BACH2: variants seen among roughly 807,000 people sequenced by gnomAD.
BACH2 encodes BACH transcriptional regulator 2, also known as transcription regulator protein BACH2.
A neutral mutation model predicts 61.8 loss-of-function variants in BACH2; 5 were observed. The ratio of observed to expected loss-of-function variants is 0.08; its 90% confidence interval spans 0.04 to 0.17. BACH2 has a LOEUF of 0.17. BACH2 is among the 10% of genes least tolerant of loss of function. BACH2 has a pLI of 1.00. For synonymous variants in BACH2, 446 were observed against 440.1 expected (o/e 1.01, Z -0.17); for missense variants, 824 against 1,091.1 (o/e 0.76, Z 3.45).
intron 4 of BACH2, among the ~76,000 whole-genome samples, chr6:90,192,444 C>T (rs1004559916): frequency 6.6e-6 from 1 of 152,096 alleles, no homozygotes; most frequent in African/African-American, 2.4e-5. Context: ...ACAAAACCCA[C>T]GTTCAACCTT....
chr6:90,152,019 T>C (rs1438093940), intron 4 of BACH2, among the ~76,000 whole-genome samples: 2 of 152,246 alleles, frequency 1.3e-5, no homozygotes, highest in Non-Finnish European at 2.9e-5. Context: ...ACAATAAAGC[T>C]ATTAATGGCA....
intron 5 of BACH2, among the ~76,000 whole-genome samples, chr6:90,068,949 C>T (rs1045958071): frequency 1.3e-5 from 2 of 152,182 alleles, no homozygotes; most frequent in African/African-American, 4.8e-5. Flanking sequence ...TACCAGTTTA[C>T]ACCCCGGCAC....
At chr6:89,953,822 C>G (rs920690197) in intron 6 of BACH2, among the ~76,000 whole-genome samples, 5 of 152,214 alleles carry the variant, frequency 3.3e-5, no homozygotes, top group African/African-American at 1.2e-4. Context: ...AACCAACTAA[C>G]TGAACCGATC....
At chr6:90,165,675 A>C (rs1582439393) in intron 4 of BACH2, among the ~76,000 whole-genome samples, 1 of 152,188 alleles carries the variant, frequency 6.6e-6, no homozygotes, top group South Asian at 2.1e-4. Context: ...AGGCTACAGT[A>C]ACCAAAACAG....
intron 6 of BACH2, among the ~76,000 whole-genome samples, chr6:89,976,738 T>A (rs1288067332): frequency 6.6e-6 from 1 of 152,184 alleles, no homozygotes; most frequent in Non-Finnish European, 1.5e-5. Flanking sequence ...TTTGATCATA[T>A]AAAATCTCTA....
At chr6:89,975,591 T>C (rs1005324417) in intron 6 of BACH2, among the ~76,000 whole-genome samples, 13 of 152,230 alleles carry the variant, frequency 8.5e-5, no homozygotes, top group African/African-American at 3.1e-4. Context: ...CTGGCCGCTG[T>C]CTGGTAATGT....
chr6:89,932,735 G>C lies in BACH2; in HGVS notation c.2199C>G (p.Leu733=), dbSNP rs1244860268. ...IQALHRYCPV[L]RPMDLPTASS... ...AGGCCGTGGGCAAGTCCATGGGTCT[G>C]AGGACAGGGCAATACCGATGCAGGG... The change falls in exon 9 of 9, where the codon CTC becomes CTG. Residue 733 remains leucine, a synonymous_variant. Transcript: ENST00000257749. 17 of 1,614,096 alleles carry C rather than the reference G, an allele frequency of 1.1e-5. No homozygotes were observed. Among genetic ancestry groups the C allele is most frequent in the Non-Finnish European group, 1.4e-5 (17 of 1,180,042 alleles).
At chr6:90,143,862 G>C (rs577283163) in intron 4 of BACH2, among the ~76,000 whole-genome samples, 1 of 152,068 alleles carries the variant, frequency 6.6e-6, no homozygotes, top group Non-Finnish European at 1.5e-5. Flanking sequence ...CTCCTGCCCC[G>C]ACCCTGCTCA....
chr6:90,164,231 T>C (rs1332697180), intron 4 of BACH2, among the ~76,000 whole-genome samples: 1 of 152,134 alleles, frequency 6.6e-6, no homozygotes, highest in Non-Finnish European at 1.5e-5. Context: ...ATAAAGGGGA[T>C]ATCACCACTG....
intron 5 of BACH2, among the ~76,000 whole-genome samples, chr6:90,010,891 G>T (rs376810240): frequency 1.3e-5 from 2 of 152,174 alleles, no homozygotes; most frequent in South Asian, 4.1e-4. Flanking sequence ...TTTCTTTGAA[G>T]AAATGTCTAT....
intron 6 of BACH2, among the ~76,000 whole-genome samples, chr6:89,990,944 T>C (rs983215551): frequency 2.6e-5 from 4 of 152,250 alleles, no homozygotes; most frequent in Non-Finnish European, 5.9e-5. Flanking sequence ...CTTCTGGTCA[T>C]TCAGGTCTCA....
At chr6:89,966,587 C>A (rs891672312) in intron 6 of BACH2, among the ~76,000 whole-genome samples, 1 of 152,202 alleles carries the variant, frequency 6.6e-6, no homozygotes, top group African/African-American at 2.4e-5. Flanking sequence ...GTCAGTCACC[C>A]ACTTCCCCTC....
intron 5 of BACH2, among the ~76,000 whole-genome samples, chr6:90,067,401 G>C (rs182968492): frequency 6.6e-6 from 1 of 152,292 alleles, no homozygotes; most frequent in East Asian, 1.9e-4. Context: ...AGTAAGTAGT[G>C]AGGTGCTGCT....
At chr6:90,260,053 TTA>T (rs1215658012) in intron 2 of BACH2, among the ~76,000 whole-genome samples, 1 of 152,124 alleles carries the variant, frequency 6.6e-6, no homozygotes, top group East Asian at 1.9e-4. Context: ...TCCATTTAGT[TTA>T]TGTTTGTTCT....
intron 4 of BACH2, among the ~76,000 whole-genome samples, chr6:90,184,484 C>G (rs887457223): frequency 6.6e-6 from 1 of 152,232 alleles, no homozygotes; most frequent in South Asian, 2.1e-4. Context: ...CCCTCCACCC[C>G]TTCACTGCTG....
At chr6:90,113,743 T>C (rs1026779621) in intron 4 of BACH2, among the ~76,000 whole-genome samples, 1 of 152,064 alleles carries the variant, frequency 6.6e-6, no homozygotes, top group Non-Finnish European at 1.5e-5. Context: ...TCCAGGATTT[T>C]TTTTTTAAAT....
intron 8 of BACH2, among the ~76,000 whole-genome samples, chr6:89,936,326 G>A (rs975946620): frequency 6.6e-6 from 1 of 152,176 alleles, no homozygotes; most frequent in East Asian, 1.9e-4. Context: ...CATTCATTTA[G>A]AGATGGGGTC....
chr6:89,976,724 C>T (rs1387731257), intron 6 of BACH2, among the ~76,000 whole-genome samples: 1 of 152,032 alleles, frequency 6.6e-6, no homozygotes, highest in Non-Finnish European at 1.5e-5. Flanking sequence ...TGGGTTTAGC[C>T]CTGTTTGATC....
rs540650754 is a variant in BACH2, at chr6:89,973,092, A to AAACAAC, written c.244-21236_244-21231dup. On this transcript the variant is annotated intron_variant, in intron 6 of 8. Coordinates refer to ENST00000257749, the MANE Select transcript of BACH2 (RefSeq NM_021813.4). Reference sequence around the variant, plus strand: ...GCAACAAGAGCGAAATTCCATTTCAAAACAACAACAACAACAAAAACAAAG... The same window carrying AAACAAC: ...GCAACAAGAGCGAAATTCCATTTCAAAACAACAACAACAACAACAACAAAAACAAAG... Among the ~76,000 whole-genome samples the AAACAAC allele has an allele frequency of 1.4e-3, 206 of 152,216 alleles. 1 individual carries two copies. The highest frequency in any genetic ancestry group is 4.9e-3 in the African/African-American group (203 of 41,550).
Sources: gnomAD v4.1 joint callset for allele counts (sites outside exome capture counted in the v4.1 genomes callset) on GRCh38, gnomAD v4.1.1 for gene constraint, MANE v1.5 for transcripts, NCBI Gene and HGNC (gene_info 2026-07-23, HGNC 2026-07-21) for gene names.